SCARA3: variants seen among roughly 807,000 people sequenced by gnomAD.
SCARA3 encodes the protein cellular stress response gene protein.
In SCARA3, 39 loss-of-function variants were observed where a neutral mutation model predicts 47.0. The ratio of observed to expected loss-of-function variants is 0.83; its 90% confidence interval spans 0.64 to 1.08. The LOEUF (loss-of-function observed/expected upper bound fraction) is 1.08, where lower values mean the gene tolerates loss of function less well. Among genes scored for constraint, SCARA3 ranks in the 50% least tolerant of loss-of-function variants. The pLI is 0.00. For missense variants in SCARA3, 724 were observed against 792.3 expected, an observed-to-expected ratio of 0.91 and a Z score of 1.04; for synonymous variants, 356 against 334.1, an observed-to-expected ratio of 1.07 and a Z score of -0.71.
rs767496990 is a variant in SCARA3 at position 27,658,614 on chromosome 8, G to A, written c.444G>A (p.Val148=). 5.6e-6 allele frequency: 9 copies of A among 1,614,024 alleles called. No homozygotes were observed. Among genetic ancestry groups the A allele is most frequent in the Admixed American group, 3.3e-5 (2 of 60,012 alleles). ...GIQKLLLAQE[V]QLDQTLQAQE... ...AGAAGCTGCTTCTGGCCCAGGAGGTGCAGCTGGACCAGACCTTACAGGCCC... is the reference window on the plus strand; with the variant it reads ...AGAAGCTGCTTCTGGCCCAGGAGGTACAGCTGGACCAGACCTTACAGGCCC... The change falls in exon 5 of 6, where the codon GTG becomes GTA. Residue 148 remains valine, a synonymous_variant. Transcript: ENST00000301904.
the SCARA3 span, chr8:27,701,162 G>A: frequency 2.0e-5 from 3 of 151,916 alleles, no homozygotes; most frequent in African/African-American, 7.3e-5. Flanking sequence ...AGTAGAGGAA[G>A]TCACTCAAAA....
the SCARA3 span, among the ~76,000 whole-genome samples, chr8:27,710,229 CAA>C: frequency 0.2 from 20,580 of 105,024 alleles, 1,317 homozygotes; most frequent in Non-Finnish European, 0.22. Flanking sequence ...GACTCCGTCT[CAA>C]AAAAAAAAAA....
Position 27,670,975 on chromosome 8 carries a change from C to T in SCARA3, c.1445C>T (p.Pro482Leu), listed in dbSNP as rs1239301709. The change falls in exon 6 of 6, where the codon CCG (proline) becomes CTG (leucine). Residue 482 changes from proline (P) to leucine (L), a missense_variant. Coordinates refer to ENST00000301904, the MANE Select transcript of SCARA3 (RefSeq NM_016240.3). Reference protein sequence around the residue: ...GVKGPVGGRGPKGDPGSLGPL... With the variant: ...GVKGPVGGRGLKGDPGSLGPL... The stretch of plus-strand genomic sequence containing the variant: ...AAAGGGCCTGTTGGCGGCAGAGGCC[C>T]GAAAGGAGACCCCGGCAGCTTGGGC... 85 of 1,606,544 alleles carry T rather than the reference C, an allele frequency of 5.3e-5. No homozygotes were observed. Among genetic ancestry groups the T allele is most frequent in the Non-Finnish European group, 6.1e-5 (72 of 1,177,858 alleles).
At chr8:27,647,946 A>C (rs779959) in intron 1 of SCARA3, among the ~76,000 whole-genome samples, 6 of 151,926 alleles carry the variant, frequency 3.9e-5, no homozygotes. Context: ...GGCCTCAGGT[A>C]CTCACAGGTC....
At chr8:27,635,813 C>G (rs576878750) in intron 1 of SCARA3, among the ~76,000 whole-genome samples, 122 of 152,310 alleles carry the variant, frequency 8.0e-4, no homozygotes, top group Admixed American at 2.4e-3. Flanking sequence ...AACACACACA[C>G]TTTCCTTTTA....
At chr8:27,641,314 G>A (rs1368437626) in intron 1 of SCARA3, among the ~76,000 whole-genome samples, 2 of 152,352 alleles carry the variant, frequency 1.3e-5, no homozygotes, top group East Asian at 3.9e-4. Flanking sequence ...TGAAGTGTAG[G>A]CATCTGGACA....
At chr8:27,676,562 A>G (rs916696038), downstream of SCARA3, 4 of 1,609,304 alleles carry the variant, frequency 2.5e-6, no homozygotes, top group Non-Finnish European at 2.6e-6. Flanking sequence ...TGTTTCATCT[A>G]TTCTAGGTCA....
chr8:27,686,321 G>T, the SCARA3 span, among the ~76,000 whole-genome samples: 2 of 152,016 alleles, frequency 1.3e-5, no homozygotes, highest in Non-Finnish European at 2.9e-5. Flanking sequence ...CACAGCTGTA[G>T]TTGTCCCAGC....
rs1257759623 is a variant in SCARA3 at position 27,660,002 on chromosome 8, A to G, written c.1369+463A>G. Among the ~76,000 whole-genome samples the G allele has an allele frequency of 1.3e-4, 20 of 152,060 alleles. 1 individual carries two copies. The highest frequency in any genetic ancestry group is 4.8e-4 in the African/African-American group (20 of 41,400). On this transcript the variant is annotated intron_variant, in intron 5 of 5. Transcript: ENST00000301904. The stretch of plus-strand genomic sequence containing the variant: ...TTTTTGTATTTAGATTTATTTAACC[A>G]AGTCCTAATAGAGAAATAAGCAGAT...
chr8:27,635,306 CCTCCGCATTGCATAGTTAGGGA>C (rs1801227435), intron 1 of SCARA3, among the ~76,000 whole-genome samples: 1 of 152,144 alleles, frequency 6.6e-6, no homozygotes, highest in Non-Finnish European at 1.5e-5. Context: ...CTGGATGCAG[CCTCCGCATTGCATAGTTAGGGA>C]AACTGAGGCC....
At chr8:27,662,667 G>A (rs492786) in intron 5 of SCARA3, among the ~76,000 whole-genome samples, 53,343 of 152,132 alleles carry the variant, frequency 0.35, 10,517 homozygotes, top group South Asian at 0.52. Context: ...CCAGGTAGCT[G>A]GCAGATTACC....
In SCARA3 at chr8:27,645,145, C is replaced by T. The variant is rs34642554; in HGVS notation, c.8-4557C>T. Among the ~76,000 whole-genome samples, 952 of 152,334 alleles carry T rather than the reference C, an allele frequency of 6.2e-3. 13 individuals carry two copies. The highest frequency in any genetic ancestry group is 0.022 in the African/African-American group (899 of 41,566). ...GAAAGGTATATAAATTAAGCCTTTG[C>T]ACTCCAAATGCATCCATCGTCCCCA... On this transcript the variant is annotated intron_variant, in intron 1 of 5. Transcript: ENST00000301904.
At chr8:27,714,471 T>C in the SCARA3 span, among the ~76,000 whole-genome samples, 4 of 151,850 alleles carry the variant, frequency 2.6e-5, no homozygotes, top group Non-Finnish European at 5.9e-5. Context: ...GGGATTACAG[T>C]TGTGAGCCAC....
chr8:27,676,919 G>A (rs1026174636), downstream of SCARA3: 6 of 185,868 alleles, frequency 3.2e-5, no homozygotes, highest in Non-Finnish European at 6.6e-5. Flanking sequence ...ATATCCACGT[G>A]ATTTTACCCA....
chr8:27,719,036 A>T, the SCARA3 span, among the ~76,000 whole-genome samples: 1 of 152,238 alleles, frequency 6.6e-6, no homozygotes, highest in African/African-American at 2.4e-5. Flanking sequence ...GCCTGCAAGA[A>T]GAAATGCAGG....
chr8:27,701,469 T>C, the SCARA3 span: 2 of 152,124 alleles, frequency 1.3e-5, no homozygotes, highest in African/African-American at 4.8e-5. Context: ...TAGCTCCCCA[T>C]TGAACACAGG....
chr8:27,680,068 G>A (rs1802335586), downstream of SCARA3: 1 of 151,918 alleles, frequency 6.6e-6, no homozygotes, highest in African/African-American at 2.4e-5. Context: ...AAAATATGTT[G>A]GATGCAGATA....
chr8:27,710,378 G>T, the SCARA3 span, among the ~76,000 whole-genome samples: 1 of 152,058 alleles, frequency 6.6e-6, no homozygotes, highest in South Asian at 2.1e-4. Flanking sequence ...CCATACATTC[G>T]CATATTATTT....
rs975968089 is a variant in SCARA3, at chr8:27,671,668, A to G, written c.*317A>G. 1 of 1,073,952 alleles carries G rather than the reference A, an allele frequency of 9.3e-7. No individual in the cohort carries two copies. Among genetic ancestry groups the G allele is most frequent in the Non-Finnish European group, 1.1e-6 (1 of 882,022 alleles). The allele number at this position is 1,073,952 out of a possible 1,614,324, so 66.5% of individuals were successfully genotyped here. The stretch of plus-strand genomic sequence containing the variant: ...CACACACACATGCACGCACACACAC[A>G]TGCACACATACACGTGCACACATAC... On this transcript the variant is annotated 3_prime_UTR_variant, in exon 6 of 6. Coordinates refer to ENST00000301904, the MANE Select transcript of SCARA3 (RefSeq NM_016240.3).
Sources: allele counts gnomAD v4.1 joint callset (sites outside exome capture counted in the v4.1 genomes callset), GRCh38; gene constraint gnomAD v4.1.1; transcripts MANE v1.5; gene names NCBI Gene and HGNC (gene_info 2026-07-23, HGNC 2026-07-21).